Variants in BMAL1 observed in about 807,000 individuals in gnomAD.
The protein encoded by BMAL1 is basic helix-loop-helix ARNT-like protein 1.
the BMAL1 span, among the ~76,000 whole-genome samples, chr11:13,288,187 A>G: frequency 3.3e-5 from 5 of 152,168 alleles, no homozygotes; most frequent in African/African-American, 1.2e-4. Flanking sequence ...TTCTTAAATA[A>G]TGGTGGGAAT....
chr11:13,295,727 A>G, the BMAL1 span, among the ~76,000 whole-genome samples: 1 of 152,224 alleles, frequency 6.6e-6, no homozygotes, highest in Non-Finnish European at 1.5e-5. Flanking sequence ...ATTTGCATAC[A>G]AGAGTCCAGA....
chr11:13,340,920 TC>T, the BMAL1 span, among the ~76,000 whole-genome samples: 1 of 152,154 alleles, frequency 6.6e-6, no homozygotes, highest in African/African-American at 2.4e-5. Context: ...GTGCGGGGAA[TC>T]CACCCCTTTC....
At chr11:13,305,546 A>C in the BMAL1 span, among the ~76,000 whole-genome samples, 1 of 152,178 alleles carries the variant, frequency 6.6e-6, no homozygotes, top group Non-Finnish European at 1.5e-5. Flanking sequence ...ATCACTTGCA[A>C]ATAGGGATTG....
chr11:13,386,829 C>CT, the BMAL1 span: 1 of 1,544,346 alleles, frequency 6.5e-7, no homozygotes, highest in Non-Finnish European at 8.8e-7. Flanking sequence ...GTCTGTGAAG[C>CT]TTACTGGATA....
chr11:13,305,366 G>A, the BMAL1 span, among the ~76,000 whole-genome samples: 27 of 152,278 alleles, frequency 1.8e-4, no homozygotes, highest in Non-Finnish European at 3.1e-4. Flanking sequence ...TACTGATTGC[G>A]AATGGGGTTG....
the BMAL1 span, among the ~76,000 whole-genome samples, chr11:13,286,092 T>C: frequency 6.6e-6 from 1 of 152,166 alleles, no homozygotes; most frequent in South Asian, 2.1e-4. Context: ...ATGAAGTAAA[T>C]AGTGATGTAG....
chr11:13,297,081 C>T, the BMAL1 span, among the ~76,000 whole-genome samples: 1 of 152,174 alleles, frequency 6.6e-6, no homozygotes, highest in African/African-American at 2.4e-5. Context: ...AAAGTACATC[C>T]AGTTTGCGCT....
the BMAL1 span, among the ~76,000 whole-genome samples, chr11:13,280,560 A>G: frequency 6.6e-6 from 1 of 152,252 alleles, no homozygotes; most frequent in Admixed American, 6.5e-5. Context: ...CCGTGATTAC[A>G]TGCAGTGATT....
At chr11:13,377,968 A>G in the BMAL1 span, among the ~76,000 whole-genome samples, 1,734 of 152,156 alleles carry the variant, frequency 0.011, 39 homozygotes, top group African/African-American at 0.04. Context: ...AACTTACAAC[A>G]TTTTGCTTTA....
At chr11:13,367,686 CAG>C in the BMAL1 span, among the ~76,000 whole-genome samples, 6 of 120,244 alleles carry the variant, frequency 5.0e-5, no homozygotes, top group East Asian at 1.2e-3. Context: ...GCCTGGGTAA[CAG>C]AGCAAGACTC....
chr11:13,326,858 C>T, the BMAL1 span, among the ~76,000 whole-genome samples: 73 of 151,678 alleles, frequency 4.8e-4, no homozygotes, highest in African/African-American at 1.6e-3. Context: ...CTCGCTCTGT[C>T]GCCCAGGCTG....
chr11:13,387,026 T>C, the BMAL1 span: 1 of 315,574 alleles, frequency 3.2e-6, no homozygotes, highest in African/African-American at 2.1e-5. Flanking sequence ...TCTGTTTGTG[T>C]TGAATTTTTT....
chr11:13,306,328 G>C, the BMAL1 span, among the ~76,000 whole-genome samples: 58 of 152,120 alleles, frequency 3.8e-4, no homozygotes, highest in Non-Finnish European at 1.0e-4. Flanking sequence ...GAAGTCCTGA[G>C]GTCCTGGCCG....
At chr11:13,312,791 G>A in the BMAL1 span, among the ~76,000 whole-genome samples, 1 of 152,112 alleles carries the variant, frequency 6.6e-6, no homozygotes, top group African/African-American at 2.4e-5. Flanking sequence ...ATTATTTATT[G>A]CTTCGAATGC....
chr11:13,353,463 A>G, the BMAL1 span: 3 of 152,228 alleles, frequency 2.0e-5, no homozygotes, highest in Admixed American at 1.3e-4. Context: ...CAGGAGTACA[A>G]AGATAATAAG....
the BMAL1 span, among the ~76,000 whole-genome samples, chr11:13,315,296 G>A: frequency 2.0e-5 from 3 of 152,140 alleles, no homozygotes; most frequent in Non-Finnish European, 1.5e-5. Flanking sequence ...TCACCCTTTG[G>A]AACTCAGCTG....
At chr11:13,327,796 A>G in the BMAL1 span, among the ~76,000 whole-genome samples, 1 of 151,652 alleles carries the variant, frequency 6.6e-6, no homozygotes, top group South Asian at 2.1e-4. Context: ...GTCACAGATC[A>G]CTTTGTGAGT....
chr11:13,375,041 C>T, the BMAL1 span, among the ~76,000 whole-genome samples: 2 of 152,168 alleles, frequency 1.3e-5, no homozygotes, highest in Non-Finnish European at 1.5e-5. Context: ...TTGGCAAACT[C>T]GTGTTCATCC....
the BMAL1 span, chr11:13,378,627 G>C: frequency 1.3e-6 from 1 of 745,426 alleles, no homozygotes; most frequent in African/African-American, 1.8e-5. Context: ...ACATCCTACA[G>C]TAAACAGGAC....
Sources: gnomAD v4.1 joint callset for allele counts (sites outside exome capture counted in the v4.1 genomes callset) on GRCh38, gnomAD v4.1.1 for gene constraint, MANE v1.5 for transcripts, NCBI Gene and HGNC (gene_info 2026-07-23, HGNC 2026-07-21) for gene names.